The following RAD51B variants were observed in gnomAD, a reference collection of about 807,000 sequenced individuals.
RAD51B encodes the protein RAD51 paralog B, also known as DNA repair protein RAD51 homolog 2.
A neutral mutation model predicts 42.2 loss-of-function variants in RAD51B; 38 were observed. The ratio of observed to expected loss-of-function variants is 0.90; its 90% confidence interval spans 0.70 to 1.18. The LOEUF is 1.18. RAD51B is among the 50% of genes most tolerant of loss of function. RAD51B has a pLI of 0.00. For missense variants in RAD51B, 373 were observed against 400.7 expected, an observed-to-expected ratio of 0.93 and a Z score of 0.59; for synonymous variants, 154 against 145.2, an observed-to-expected ratio of 1.06 and a Z score of -0.43.
intron 5 of RAD51B, among the ~76,000 whole-genome samples, chr14:67,875,854 A>G (rs2042708106): frequency 6.6e-6 from 1 of 152,232 alleles, no homozygotes; most frequent in Admixed American, 6.5e-5. Context: ...AGGTAATACC[A>G]GTGTGGTCTT....
At chr14:68,322,215 G>A (rs1442933975) in intron 8 of RAD51B, among the ~76,000 whole-genome samples, 2 of 152,200 alleles carry the variant, frequency 1.3e-5, no homozygotes, top group African/African-American at 4.8e-5. Flanking sequence ...TTCGACTTCT[G>A]TATGGTATCT....
chr14:67,861,803 G>C (rs574398460), intron 4 of RAD51B, among the ~76,000 whole-genome samples: 8 of 152,234 alleles, frequency 5.3e-5, no homozygotes, highest in African/African-American at 1.9e-4. Context: ...TAAAGGCTGG[G>C]ATAAAAACAC....
At chr14:67,994,830 AGT>A (rs1250903201) in intron 7 of RAD51B, among the ~76,000 whole-genome samples, 1 of 152,242 alleles carries the variant, frequency 6.6e-6, no homozygotes, top group Admixed American at 6.5e-5. Context: ...TGTTTATAGC[AGT>A]GTTAGACACA....
Position 68,029,325 on chromosome 14 carries a change from T to C in RAD51B, c.756+142121T>C, listed in dbSNP as rs78868804. Among the ~76,000 whole-genome samples, 1,221 of 152,354 alleles carry C rather than the reference T, an allele frequency of 8.0e-3. 14 individuals carry two copies. Among genetic ancestry groups the C allele is most frequent in the African/African-American group, 0.028 (1,144 of 41,572 alleles). On this transcript the variant is annotated intron_variant, in intron 7 of 10. Coordinates refer to ENST00000471583, the MANE Select transcript of RAD51B (RefSeq NM_133510.4). ...AAACTTTTTTTAAAATTTGGGTCAG[T>C]CCTCTGAAACCCTGCCACTGCTTTA...
At chr14:68,468,490 C>CA (rs2086041543) in intron 10 of RAD51B, 1 of 554,134 alleles carries the variant, frequency 1.8e-6, no homozygotes, top group South Asian at 1.7e-5. Context: ...CAGAATGAGA[C>CA]AATCAAAACA....
intron 7 of RAD51B, among the ~76,000 whole-genome samples, chr14:68,109,752 G>C (rs1196179584): frequency 6.6e-6 from 1 of 152,046 alleles, no homozygotes; most frequent in African/African-American, 2.4e-5. Flanking sequence ...ACAGGAAAGA[G>C]TGGGCAGCAG....
chr14:68,515,896 C>T (rs1277386918), intron 10 of RAD51B, among the ~76,000 whole-genome samples: 2 of 151,674 alleles, frequency 1.3e-5, no homozygotes, highest in South Asian at 2.1e-4. Context: ...TGCCATTCTC[C>T]TGCCTCAGCC....
chr14:68,178,074 CT>C (rs796184527), intron 7 of RAD51B, among the ~76,000 whole-genome samples: 2 of 152,078 alleles, frequency 1.3e-5, no homozygotes, highest in Admixed American at 1.3e-4. Context: ...GGGTTGTCTT[CT>C]TTTTTCATAT....
At position 68,155,873 on chromosome 14, in the gene RAD51B, AC is replaced by A. The variant is rs374263731; in HGVS notation, c.757-136008del. Reference sequence around the variant, plus strand: ...GATGAGGCCCTCAGAGCAGAAAGAGACCCTCCTCTGTCTATGTGTAAGATTA... The same window carrying A: ...GATGAGGCCCTCAGAGCAGAAAGAGACCTCCTCTGTCTATGTGTAAGATTA... On this transcript the variant is annotated intron_variant, in intron 7 of 10. Coordinates refer to ENST00000471583, the MANE Select transcript of RAD51B (RefSeq NM_133510.4). Among the ~76,000 whole-genome samples, 14 of 152,192 alleles carry A rather than the reference AC, an allele frequency of 9.2e-5. No homozygotes were observed. In the East Asian group the frequency reaches 2.3e-3, roughly 25 times the overall value.
chr14:67,987,410 T>C (rs2075213892), intron 7 of RAD51B, among the ~76,000 whole-genome samples: 1 of 152,208 alleles, frequency 6.6e-6, no homozygotes, highest in Admixed American at 6.5e-5. Flanking sequence ...GTTTTGATTT[T>C]AATGGTTAGT....
At chr14:68,558,949 C>T (rs1002760375) in intron 10 of RAD51B, among the ~76,000 whole-genome samples, 2 of 151,954 alleles carry the variant, frequency 1.3e-5, no homozygotes, top group Non-Finnish European at 2.9e-5. Context: ...TAAGTATATG[C>T]CTGTGATTTG....
intron 7 of RAD51B, among the ~76,000 whole-genome samples, chr14:68,059,324 T>C (rs1566613249): frequency 1.3e-5 from 2 of 152,234 alleles, no homozygotes; most frequent in Admixed American, 6.5e-5. Flanking sequence ...TCTGAGTATG[T>C]AACTGCATTA....
chr14:68,044,627 TTTC>T (rs1222443905), intron 7 of RAD51B, among the ~76,000 whole-genome samples: 2 of 152,170 alleles, frequency 1.3e-5, no homozygotes, highest in Non-Finnish European at 2.9e-5. Flanking sequence ...AATTTATGTT[TTTC>T]TTCTTCTTAA....
intron 8 of RAD51B, among the ~76,000 whole-genome samples, chr14:68,319,866 T>TA (rs749908954): frequency 2.0e-5 from 3 of 152,338 alleles, no homozygotes; most frequent in South Asian, 4.1e-4. Context: ...GCCAGTGCCT[T>TA]ACCTGCATTA....
In RAD51B at chr14:67,825,550, C is replaced by A; in HGVS notation, c.171C>A (p.Ser57Arg). ...TCCATGAACTTCTATGTATGGTCAG[C>A]AGGGCCTGTGCCCCAAAGATGCAAA... ...RGVHELLCMV[S>R]RACAPKMQTA... The change falls in exon 3 of 11, where the codon AGC becomes AGA. Residue 57 changes from serine to arginine, a missense_variant. Transcript: ENST00000471583. The A allele has an allele frequency of 6.2e-7, 1 of 1,611,872 alleles. No homozygotes were observed. The highest frequency in any genetic ancestry group is 8.5e-7 in the Non-Finnish European group (1 of 1,178,544).
At chr14:68,120,035 A>C (rs2077620596) in intron 7 of RAD51B, among the ~76,000 whole-genome samples, 1 of 151,940 alleles carries the variant, frequency 6.6e-6, no homozygotes, top group African/African-American at 2.4e-5. Flanking sequence ...CTGGTATCTC[A>C]TTGTGGTTTT....
intron 10 of RAD51B, among the ~76,000 whole-genome samples, chr14:68,579,334 G>A (rs1890108853): frequency 6.6e-6 from 1 of 152,118 alleles, no homozygotes; most frequent in South Asian, 2.1e-4. Flanking sequence ...GTGAATTGAG[G>A]GAGCTCAGAG....
At chr14:67,916,266 G>T (rs1468506689) in intron 7 of RAD51B, among the ~76,000 whole-genome samples, 1 of 134,988 alleles carries the variant, frequency 7.4e-6, no homozygotes. Flanking sequence ...TTTACTTAAA[G>T]TATTTTTTGT....
At chr14:68,064,876 C>T (rs1484938448) in intron 7 of RAD51B, among the ~76,000 whole-genome samples, 1 of 152,018 alleles carries the variant, frequency 6.6e-6, no homozygotes, top group Non-Finnish European at 1.5e-5. Flanking sequence ...TAATGATTTT[C>T]TTCTATTTTA....
Sources: allele counts gnomAD v4.1 joint callset (sites outside exome capture counted in the v4.1 genomes callset), GRCh38; gene constraint gnomAD v4.1.1; transcripts MANE v1.5; gene names NCBI Gene and HGNC (gene_info 2026-07-23, HGNC 2026-07-21).